NLGN1: variants seen among roughly 807,000 people sequenced by gnomAD.
NLGN1 encodes neuroligin-1.
A neutral mutation model predicts 65.5 loss-of-function variants in NLGN1; 12 were observed. The observed-to-expected ratio is 0.18, with a 90% CI of 0.12 to 0.30. NLGN1 has a LOEUF of 0.30. Ranked by LOEUF, NLGN1 falls within the 10% of genes least tolerant of loss-of-function variation. NLGN1 has a pLI of 1.00. For missense variants in NLGN1, 750 were observed against 1,007.1 expected (o/e 0.74, Z 3.46); for synonymous variants, 350 against 359.5 (o/e 0.97, Z 0.30).
intron 4 of NLGN1, among the ~76,000 whole-genome samples, chr3:174,190,060 G>A (rs1732105115): frequency 6.6e-6 from 1 of 152,060 alleles, no homozygotes; most frequent in Non-Finnish European, 1.5e-5. Context: ...TTAGGACATA[G>A]AGTGGAAAAG....
intron 4 of NLGN1, among the ~76,000 whole-genome samples, chr3:174,151,914 A>G (rs1425552909): frequency 6.6e-6 from 1 of 152,196 alleles, no homozygotes; most frequent in Non-Finnish European, 1.5e-5. Context: ...TTGCTGAGAA[A>G]AAAATATATA....
chr3:173,633,769 A>C (rs112210473), intron 3 of NLGN1, among the ~76,000 whole-genome samples: 605 of 152,298 alleles, frequency 4.0e-3, no homozygotes, highest in African/African-American at 0.013. Context: ...CAGTAAAAAA[A>C]CAAAACTCCC....
upstream of NLGN1, among the ~76,000 whole-genome samples, chr3:173,396,088 C>A (rs1716604692): frequency 6.6e-6 from 1 of 151,906 alleles, no homozygotes; most frequent in Non-Finnish European, 1.5e-5. Flanking sequence ...CGGCGGGGAC[C>A]GGAGCAGGGG....
intron 2 of NLGN1, among the ~76,000 whole-genome samples, chr3:173,598,368 TTC>T: frequency 6.6e-6 from 1 of 152,276 alleles, no homozygotes; most frequent in South Asian, 2.1e-4. Flanking sequence ...TTTAATTGCT[TTC>T]TCTTTTTGTT....
At chr3:173,802,109 A>G (rs2150414401) in intron 3 of NLGN1, among the ~76,000 whole-genome samples, 1 of 152,118 alleles carries the variant, frequency 6.6e-6, no homozygotes, top group South Asian at 2.1e-4. Context: ...TTATTTTCCT[A>G]TTTTAAAAAT....
At chr3:173,738,366 TTA>T (rs1332283467) in intron 3 of NLGN1, among the ~76,000 whole-genome samples, 2 of 152,168 alleles carry the variant, frequency 1.3e-5, no homozygotes, top group Admixed American at 6.6e-5. Context: ...TCTAAGAATT[TTA>T]TATGTTTTGT....
chr3:173,606,864 CTTTTT>C lies in NLGN1; in HGVS notation c.493+1776_493+1780del, dbSNP rs1361749419. Reference sequence around the variant, plus strand: ...GTGTTTTAAATGACTAAAAAAGTCTCTTTTTTTCTGCAAATGAAAATAACTGCAGT... The same window carrying C: ...GTGTTTTAAATGACTAAAAAAGTCTCTTCTGCAAATGAAAATAACTGCAGT... On this transcript the variant is annotated intron_variant, in intron 3 of 6. Transcript: ENST00000457714. Among the ~76,000 whole-genome samples, 4 of 151,784 alleles carry C rather than the reference CTTTTT, an allele frequency of 2.6e-5. No homozygotes were observed. In the South Asian group the frequency reaches 6.2e-4, roughly 24 times the overall value.
chr3:173,508,424 A>T (rs551728312), intron 2 of NLGN1, among the ~76,000 whole-genome samples: 1 of 152,296 alleles, frequency 6.6e-6, no homozygotes, highest in African/African-American at 2.4e-5. Flanking sequence ...AGATACCATG[A>T]AACTACCATG....
At chr3:174,278,101 A>G (rs1269970599) in intron 5 of NLGN1, among the ~76,000 whole-genome samples, 1 of 152,008 alleles carries the variant, frequency 6.6e-6, no homozygotes, top group East Asian at 1.9e-4. Flanking sequence ...TGTGCTTTTC[A>G]TCTTTTATGA....
intron 3 of NLGN1, among the ~76,000 whole-genome samples, chr3:173,782,367 G>GA (rs571287388): frequency 2.0e-5 from 3 of 151,520 alleles, no homozygotes; most frequent in Non-Finnish European, 4.4e-5. Flanking sequence ...TAGTAAAACA[G>GA]AAAAAAAACC....
intron 3 of NLGN1, among the ~76,000 whole-genome samples, chr3:173,751,158 G>A (rs891962883): frequency 3.3e-5 from 5 of 152,038 alleles, no homozygotes; most frequent in Non-Finnish European, 7.4e-5. Flanking sequence ...GGTCACCTGA[G>A]TAGGCGCACA....
At chr3:173,938,372 G>T (rs927848329) in intron 4 of NLGN1, among the ~76,000 whole-genome samples, 1 of 152,084 alleles carries the variant, frequency 6.6e-6, no homozygotes, top group African/African-American at 2.4e-5. Context: ...TACTGTTGAT[G>T]CTGAGTACTG....
intron 2 of NLGN1, among the ~76,000 whole-genome samples, chr3:173,562,725 C>T (rs1219731544): frequency 6.6e-6 from 1 of 152,164 alleles, no homozygotes; most frequent in Non-Finnish European, 1.5e-5. Context: ...TAAGATACAA[C>T]ATTCAACTGA....
At chr3:173,922,798 G>T (rs1216804457) in intron 4 of NLGN1, among the ~76,000 whole-genome samples, 1 of 152,098 alleles carries the variant, frequency 6.6e-6, no homozygotes, top group Non-Finnish European at 1.5e-5. Context: ...TTTTAATGGA[G>T]TAGTGTTTGT....
intron 4 of NLGN1, among the ~76,000 whole-genome samples, chr3:174,236,628 T>G (rs1741769716): frequency 6.6e-6 from 1 of 152,156 alleles, no homozygotes; most frequent in Non-Finnish European, 1.5e-5. Context: ...TGTTTACTTG[T>G]GAAGTTTTGT....
chr3:173,667,852 C>T (rs1408644606), intron 3 of NLGN1, among the ~76,000 whole-genome samples: 2 of 152,176 alleles, frequency 1.3e-5, no homozygotes, highest in Non-Finnish European at 1.5e-5. Context: ...AGGCTGGTCT[C>T]GAACTCCTGA....
intron 4 of NLGN1, among the ~76,000 whole-genome samples, chr3:174,138,132 TGGC>T (rs926133870): frequency 6.6e-6 from 1 of 152,164 alleles, no homozygotes; most frequent in African/African-American, 2.4e-5. Flanking sequence ...GTTAAAAACT[TGGC>T]ATTGGGGTAA....
intron 4 of NLGN1, among the ~76,000 whole-genome samples, chr3:174,031,476 C>T (rs1399638349): frequency 1.3e-5 from 2 of 151,956 alleles, no homozygotes; most frequent in Non-Finnish European, 2.9e-5. Context: ...AAAACATCAA[C>T]AAATAAGAAA....
chr3:173,526,701 A>G (rs73043591), intron 2 of NLGN1, among the ~76,000 whole-genome samples: 6,160 of 152,188 alleles, frequency 0.04, 419 homozygotes, highest in African/African-American at 0.14. Context: ...TCTTATTCAC[A>G]CTTTCTAACA....
Sources: allele counts gnomAD v4.1 joint callset (sites outside exome capture counted in the v4.1 genomes callset), GRCh38; gene constraint gnomAD v4.1.1; transcripts MANE v1.5; gene names NCBI Gene and HGNC (gene_info 2026-07-23, HGNC 2026-07-21).